Variants in FNDC3A observed in about 807,000 individuals in gnomAD.
FNDC3A encodes fibronectin type III domain containing 3A, also known as fibronectin type-III domain-containing protein 3A.
A neutral mutation model predicts 148.9 loss-of-function variants in FNDC3A; 32 were observed. The observed-to-expected ratio is 0.21, with a 90% confidence interval of 0.16 to 0.29. The LOEUF (loss-of-function observed/expected upper bound fraction) is 0.29. Ranked by LOEUF, FNDC3A falls within the 10% of genes least tolerant of loss-of-function variation. FNDC3A has a pLI of 1.00. For missense variants in FNDC3A, 1,191 were observed against 1,452.8 expected (o/e 0.82, Z 2.93); for synonymous variants, 472 against 473.6 (o/e 1.00, Z 0.04).
At chr13:49,154,258 G>A (rs1380477262) in intron 8 of FNDC3A, among the ~76,000 whole-genome samples, 1 of 146,098 alleles carries the variant, frequency 6.8e-6, no homozygotes, top group Non-Finnish European at 1.5e-5. Context: ...TGGATTCCTA[G>A]GTATTTTATT....
intron 2 of FNDC3A, among the ~76,000 whole-genome samples, chr13:49,048,083 T>C (rs367766786): frequency 3.3e-5 from 5 of 152,354 alleles, no homozygotes; most frequent in African/African-American, 1.2e-4. Context: ...TTTTGTTTGC[T>C]TTCTTGAAGA....
chr13:49,127,799 C>T (rs1414709470), intron 4 of FNDC3A, among the ~76,000 whole-genome samples: 1 of 152,220 alleles, frequency 6.6e-6, no homozygotes. Flanking sequence ...TTCCTCATCA[C>T]ATTGATGGAA....
At chr13:49,171,177 G>C (rs1163599531) in intron 10 of FNDC3A, among the ~76,000 whole-genome samples, 1 of 152,056 alleles carries the variant, frequency 6.6e-6, no homozygotes, top group Non-Finnish European at 1.5e-5. Context: ...ATTAATGTAA[G>C]ATCTGTATTA....
intron 8 of FNDC3A, among the ~76,000 whole-genome samples, chr13:49,150,728 C>T (rs569606481): frequency 1.6e-4 from 24 of 152,128 alleles, no homozygotes; most frequent in Non-Finnish European, 3.4e-4. Flanking sequence ...GGGCAGATCA[C>T]GATGGCAAGA....
intron 1 of FNDC3A, among the ~76,000 whole-genome samples, chr13:48,995,257 T>G (rs1952002096): frequency 6.6e-6 from 1 of 151,968 alleles, no homozygotes; most frequent in African/African-American, 2.4e-5. Context: ...TTCAGATATA[T>G]CTGACTTCTA....
At chr13:49,003,627 G>A (rs923827914) in intron 1 of FNDC3A, among the ~76,000 whole-genome samples, 50 of 151,866 alleles carry the variant, frequency 3.3e-4, no homozygotes, top group African/African-American at 1.2e-3. Flanking sequence ...TCTGTCCCAA[G>A]GTTATGAAGA....
At chr13:49,090,769 A>G (rs1297274329) in intron 3 of FNDC3A, among the ~76,000 whole-genome samples, 2 of 152,214 alleles carry the variant, frequency 1.3e-5, no homozygotes, top group African/African-American at 4.8e-5. Context: ...TGGGAGGCCA[A>G]GGTAGGAGGA....
intron 2 of FNDC3A, among the ~76,000 whole-genome samples, chr13:49,065,324 G>A (rs1877193004): frequency 6.6e-6 from 1 of 152,176 alleles, no homozygotes; most frequent in East Asian, 1.9e-4. Context: ...CAGTATCTAA[G>A]TGCTTATGAA....
chr13:49,011,555 A>G (rs1196665603), intron 2 of FNDC3A, among the ~76,000 whole-genome samples: 1 of 152,092 alleles, frequency 6.6e-6, no homozygotes, highest in Non-Finnish European at 1.5e-5. Flanking sequence ...CTTTTGATGG[A>G]CAGTCTTTAA....
intron 3 of FNDC3A, among the ~76,000 whole-genome samples, chr13:49,090,821 A>G (rs553934779): frequency 6.6e-6 from 1 of 152,122 alleles, no homozygotes; most frequent in South Asian, 2.1e-4. Context: ...GTGAGACCTC[A>G]TCTCTACTAC....
intron 2 of FNDC3A, among the ~76,000 whole-genome samples, chr13:49,062,811 C>T (rs890978320): frequency 3.3e-5 from 5 of 152,178 alleles, no homozygotes; most frequent in African/African-American, 1.2e-4. Flanking sequence ...ATGCCTTGGA[C>T]TGTGATTTAT....
chr13:49,082,231 C>G (rs1359484129), intron 3 of FNDC3A, among the ~76,000 whole-genome samples: 2 of 151,886 alleles, frequency 1.3e-5, no homozygotes, highest in Non-Finnish European at 2.9e-5. Flanking sequence ...ATTAAAAATA[C>G]AAAAATTAGC....
At chr13:49,072,230 C>T (rs997661389) in intron 2 of FNDC3A, among the ~76,000 whole-genome samples, 2 of 151,920 alleles carry the variant, frequency 1.3e-5, no homozygotes, top group African/African-American at 4.8e-5. Context: ...ATTCTTCTGC[C>T]TAATAGAAAA....
intron 2 of FNDC3A, among the ~76,000 whole-genome samples, chr13:49,036,950 C>T (rs1313707584): frequency 2.0e-5 from 3 of 152,048 alleles, no homozygotes; most frequent in African/African-American, 7.2e-5. Context: ...AGGCTATTGA[C>T]CATTAGAACA....
chr13:49,013,544 A>G (rs1952410291), intron 2 of FNDC3A, among the ~76,000 whole-genome samples: 2 of 151,722 alleles, frequency 1.3e-5, no homozygotes, highest in African/African-American at 2.4e-5. Flanking sequence ...ATACGTGTAC[A>G]TGTGTATACA....
intron 1 of FNDC3A, among the ~76,000 whole-genome samples, chr13:48,988,565 G>A (rs1020840326): frequency 1.3e-5 from 2 of 152,184 alleles, no homozygotes; most frequent in Non-Finnish European, 2.9e-5. Flanking sequence ...AGTATGGCCA[G>A]GTGCTTGGCT....
intron 3 of FNDC3A, among the ~76,000 whole-genome samples, chr13:49,111,553 C>G (rs1440691491): frequency 6.6e-6 from 1 of 151,868 alleles, no homozygotes; most frequent in African/African-American, 2.4e-5. Context: ...TGGTGAAACC[C>G]CGTCTCTACT....
At chr13:49,197,640 A>G (rs1008866243) in intron 20 of FNDC3A, 85 bp from the exon 21 acceptor site, 3 of 1,089,206 alleles carry the variant, frequency 2.8e-6, no homozygotes, top group South Asian at 3.0e-5. Context: ...CTAGTTTTAC[A>G]TGTGCTCAGG....
intron 2 of FNDC3A, among the ~76,000 whole-genome samples, chr13:49,047,967 T>G (rs1875542898): frequency 6.6e-6 from 1 of 152,246 alleles, no homozygotes; most frequent in Non-Finnish European, 1.5e-5. Flanking sequence ...TGAGCTGATT[T>G]CTGTATAAAG....
Sources: gnomAD v4.1 joint callset for allele counts (sites outside exome capture counted in the v4.1 genomes callset) on GRCh38, gnomAD v4.1.1 for gene constraint, MANE v1.5 for transcripts, NCBI Gene and HGNC (gene_info 2026-07-23, HGNC 2026-07-21) for gene names.